The following SETD2 variants were observed in gnomAD, a reference collection of about 807,000 sequenced individuals.
SETD2 encodes histone-lysine N-methyltransferase SETD2.
A neutral mutation model predicts 242.1 loss-of-function variants in SETD2; 31 were observed. That is an observed-to-expected ratio of 0.13 (90% CI 0.10 to 0.17). The LOEUF (loss-of-function observed/expected upper bound fraction) is 0.17, where lower values mean the gene tolerates loss of function less well. Among genes scored for constraint, SETD2 ranks in the 10% least tolerant of loss-of-function variants. The pLI, the probability that SETD2 is intolerant of heterozygous loss-of-function variation, is 1.00. For synonymous variants in SETD2, 1,006 were observed against 1,066.5 expected, an observed-to-expected ratio of 0.94 and a Z score of 1.11; for missense variants, 2,481 against 3,046.3, an observed-to-expected ratio of 0.81 and a Z score of 4.37.
At position 47,057,480 on chromosome 3, in the gene SETD2, G is replaced by A; in HGVS notation, c.6304C>T (p.Pro2102Ser). Residue 2102 changes from proline to serine, a missense_variant, in exon 15 of 21, where the codon CCA becomes TCA. Coordinates refer to ENST00000409792, the MANE Select transcript of SETD2 (RefSeq NM_014159.7). ...ATTCGTACTTTCTTTTTAGAAGTTG[G>A]TGTATCATATCTAGAAAGAAAATAA... is the stretch of plus-strand genomic sequence containing the variant. ...TKRPDDRYDT[P>S]TSKKKVRIKD... The A allele has an allele frequency of 6.2e-7, 1 of 1,613,366 alleles. No homozygotes were observed. Among genetic ancestry groups the A allele is most frequent in the Non-Finnish European group, 8.5e-7 (1 of 1,179,516 alleles).
chr3:47,131,964 G>C (rs1397234078), intron 1 of SETD2, among the ~76,000 whole-genome samples: 1 of 150,882 alleles, frequency 6.6e-6, no homozygotes, highest in Non-Finnish European at 1.5e-5. Flanking sequence ...TTTTAGTAGA[G>C]ACAGGGTTTC....
intron 9 of SETD2, among the ~76,000 whole-genome samples, chr3:47,095,133 T>C (rs1192227433): frequency 6.6e-6 from 1 of 152,088 alleles, no homozygotes; most frequent in Non-Finnish European, 1.5e-5. Flanking sequence ...CATTGGGAAG[T>C]TTTTCTTTTT....
At chr3:47,119,181 C>T (rs1038840925) in intron 3 of SETD2, among the ~76,000 whole-genome samples, 1 of 151,910 alleles carries the variant, frequency 6.6e-6, no homozygotes, top group Admixed American at 6.6e-5. Flanking sequence ...TTTTTAAGCA[C>T]AATCAATATA....
chr3:47,044,210 G>A (rs1050698206), intron 16 of SETD2, among the ~76,000 whole-genome samples: 2 of 151,312 alleles, frequency 1.3e-5, no homozygotes, highest in Admixed American at 1.3e-4. Context: ...AGGTGTGGTG[G>A]TGTGCACTTG....
intron 15 of SETD2, among the ~76,000 whole-genome samples, chr3:47,054,945 T>G (rs970882608): frequency 6.6e-6 from 1 of 152,128 alleles, no homozygotes; most frequent in African/African-American, 2.4e-5. Flanking sequence ...TTTTAAGGAA[T>G]TGAGTCAAAT....
At chr3:47,089,168 G>A (rs141577527) in intron 9 of SETD2, among the ~76,000 whole-genome samples, 23 of 152,252 alleles carry the variant, frequency 1.5e-4, no homozygotes, top group Non-Finnish European at 2.6e-4. Flanking sequence ...AAGGATGACC[G>A]GGCATGGTGG....
At chr3:47,117,486 T>C (rs927645575) in intron 3 of SETD2, among the ~76,000 whole-genome samples, 1 of 152,116 alleles carries the variant, frequency 6.6e-6, no homozygotes, top group Non-Finnish European at 1.5e-5. Context: ...AATAGTGACA[T>C]AGCTGGTTAA....
intron 1 of SETD2, 174 bp downstream of exon 1, chr3:47,163,680 C>T: frequency 4.2e-6 from 2 of 480,582 alleles, no homozygotes; most frequent in Non-Finnish European, 6.3e-6. Context: ...GCTGCGGCCC[C>T]GGCCAAGCGG....
At position 47,123,433 on chromosome 3, in the gene SETD2, C is replaced by T. The variant is rs2106703684; in HGVS notation, c.1203G>A (p.Arg401=). 6.4e-7 allele frequency: 1 copy of T among 1,551,596 alleles called. No individual in the cohort carries two copies. Among genetic ancestry groups the T allele is most frequent in the East Asian group, 2.4e-5 (1 of 40,930 alleles). ...SSRCRSERER[R]RSRSHSRSER... ...CAGACCTAGAGTGAGATCTGCTCCGCCGTCGCTCTCTTTCTGATCTACATC... is the reference window on the plus strand; with the variant it reads ...CAGACCTAGAGTGAGATCTGCTCCGTCGTCGCTCTCTTTCTGATCTACATC... The change falls in exon 3 of 21, where the codon CGG becomes CGA. Residue 401 remains arginine (R), a synonymous_variant. Coordinates refer to ENST00000409792, the MANE Select transcript of SETD2 (RefSeq NM_014159.7).
intron 17 of SETD2, among the ~76,000 whole-genome samples, chr3:47,040,944 A>C (rs149263779): frequency 2.0e-5 from 3 of 152,346 alleles, no homozygotes; most frequent in Non-Finnish European, 2.9e-5. Flanking sequence ...TGGTAAGCTG[A>C]CAATATTTCT....
In SETD2 at chr3:47,121,022, T is replaced by C. The variant is rs780702915; in HGVS notation, c.3614A>G (p.Tyr1205Cys). The change falls in exon 3 of 21, where the codon TAT (tyrosine) becomes TGT (cysteine). Residue 1205 changes from tyrosine (Y) to cysteine (C), a missense_variant. Physicochemically the swap from Tyr to Cys is radical, Grantham distance 194 (BLOSUM62 -2). Coordinates refer to ENST00000409792, the MANE Select transcript of SETD2 (RefSeq NM_014159.7). ...TGGGACATCTTCAAAATCAGAAGAATAAATTGGCAGCTCTTCTTGCTGCCT... is the reference window on the plus strand; with the variant it reads ...TGGGACATCTTCAAAATCAGAAGAACAAATTGGCAGCTCTTCTTGCTGCCT... ...PSRQQEELPI[Y>C]SSDFEDVPNK... 3.1e-6 allele frequency: 5 copies of C among 1,614,208 alleles called. No individual in the cohort carries two copies. Among genetic ancestry groups the C allele is most frequent in the Non-Finnish European group, 3.4e-6 (4 of 1,180,024 alleles).
intron 1 of SETD2, among the ~76,000 whole-genome samples, chr3:47,134,319 T>C (rs561231604): frequency 6.6e-6 from 1 of 152,362 alleles, no homozygotes; most frequent in Admixed American, 6.5e-5. Flanking sequence ...TAAGCACCTA[T>C]GGCGTTATAT....
intron 5 of SETD2, among the ~76,000 whole-genome samples, chr3:47,107,978 G>C (rs1392232597): frequency 1.3e-5 from 2 of 151,670 alleles, no homozygotes; most frequent in East Asian, 3.9e-4. Flanking sequence ...AGACCCCATT[G>C]CATTAAAAAA....
chr3:47,092,570 T>A (rs2041849361), intron 9 of SETD2, among the ~76,000 whole-genome samples: 1 of 150,022 alleles, frequency 6.7e-6, no homozygotes, highest in African/African-American at 2.4e-5. Context: ...ATATTTACTA[T>A]ATATAGTGCA....
intron 12 of SETD2, among the ~76,000 whole-genome samples, chr3:47,075,393 C>T (rs1321983299): frequency 6.6e-6 from 1 of 151,216 alleles, no homozygotes; most frequent in Non-Finnish European, 1.5e-5. Flanking sequence ...ATCCCCATCT[C>T]TACTAAAAAT....
intron 15 of SETD2, among the ~76,000 whole-genome samples, chr3:47,049,133 A>C (rs1206729512): frequency 2.0e-5 from 3 of 151,376 alleles, no homozygotes; most frequent in African/African-American, 7.3e-5. Flanking sequence ...TTGTAGAGAC[A>C]GGGTTTCGCT....
At chr3:47,066,394 C>T (rs549507236) in intron 13 of SETD2, among the ~76,000 whole-genome samples, 1 of 152,290 alleles carries the variant, frequency 6.6e-6, no homozygotes, top group East Asian at 1.9e-4. Context: ...GTTGCTCAGG[C>T]TGGAGTACAG....
At chr3:47,130,453 G>A (rs963694754) in intron 1 of SETD2, among the ~76,000 whole-genome samples, 5 of 152,210 alleles carry the variant, frequency 3.3e-5, no homozygotes, top group African/African-American at 1.2e-4. Context: ...CGGCCAGGAA[G>A]AGTAGACTGC....
chr3:47,050,133 A>C (rs1035674925), intron 15 of SETD2, among the ~76,000 whole-genome samples: 3 of 151,512 alleles, frequency 2.0e-5, no homozygotes, highest in African/African-American at 7.3e-5. Flanking sequence ...AAATAGCTAG[A>C]AGAGAATAAT....
Sources: gnomAD v4.1 joint callset for allele counts (sites outside exome capture counted in the v4.1 genomes callset) on GRCh38, gnomAD v4.1.1 for gene constraint, MANE v1.5 for transcripts, NCBI Gene and HGNC (gene_info 2026-07-23, HGNC 2026-07-21) for gene names.